Variants in OIT3 observed in about 807,000 individuals in gnomAD.
The protein encoded by OIT3 is oncoprotein-induced transcript 3 protein.
A neutral mutation model predicts 52.2 loss-of-function variants in OIT3; 41 were observed. The observed-to-expected ratio is 0.79, with a 90% confidence interval of 0.61 to 1.02. OIT3 has a LOEUF of 1.02. OIT3 is among the 50% of genes least tolerant of loss of function. The pLI is 0.00. For synonymous variants in OIT3, 244 were observed against 276.9 expected (o/e 0.88, Z 1.18); for missense variants, 634 against 715.5 (o/e 0.89, Z 1.30).
At chr10:72,923,025 G>A (rs542792734) in intron 6 of OIT3, among the ~76,000 whole-genome samples, 1 of 152,212 alleles carries the variant, frequency 6.6e-6, no homozygotes, top group South Asian at 2.1e-4. Context: ...ACAGGCCCCT[G>A]CCATGACACT....
chr10:72,895,104 G>A (rs547419159), intron 1 of OIT3, among the ~76,000 whole-genome samples: 3 of 152,264 alleles, frequency 2.0e-5, no homozygotes, highest in African/African-American at 4.8e-5. Flanking sequence ...TAAAGGTAAC[G>A]TGTCATAACA....
intron 3 of OIT3, among the ~76,000 whole-genome samples, chr10:72,903,387 G>C (rs1845950497): frequency 6.6e-6 from 1 of 152,024 alleles, no homozygotes; most frequent in Non-Finnish European, 1.5e-5. Context: ...CACCATGCCT[G>C]GCTAATTCTT....
chr10:72,924,167 GA>G lies in OIT3; in HGVS notation c.952-54del, dbSNP rs201019655. On this transcript the variant is annotated intron_variant, in intron 6 of 8. Transcript: ENST00000334011. ...TAGAATGTTAAGGTGAGAGGAGGGG[GA>G]AAAAAAACTGTAGAAACAAACAGAC... 2,835 of 1,398,078 alleles carry G rather than the reference GA, an allele frequency of 2.0e-3. 7 individuals are homozygous for G. The highest frequency in any genetic ancestry group is 0.012 in the African/African-American group (844 of 69,552). The allele number at this position is 1,398,078 out of a possible 1,614,324, so 86.6% of individuals were successfully genotyped here.
intron 1 of OIT3, 34 bp downstream of exon 1, chr10:72,893,893 C>CT (rs1845851623): frequency 1.3e-6 from 2 of 1,555,536 alleles, no homozygotes; most frequent in East Asian, 4.6e-5. Context: ...GCACAATGCA[C>CT]TTTTTGTTGT....
At chr10:72,913,499 T>A in intron 6 of OIT3, 31 bp downstream of exon 6, 2 of 1,576,466 alleles carry the variant, frequency 1.3e-6, no homozygotes, top group Non-Finnish European at 1.7e-6. Context: ...ACTTGGGGAA[T>A]GACCAAAAGC....
chr10:72,900,540 A>C, intron 3 of OIT3, 56 bp downstream of exon 3: 1 of 910,350 alleles, frequency 1.1e-6, no homozygotes, highest in Non-Finnish European at 1.8e-6. Flanking sequence ...GACAAATCAA[A>C]AACTCTTCCT....
intron 6 of OIT3, chr10:72,913,798 C>T (rs1846051478): frequency 5.0e-6 from 2 of 403,540 alleles, no homozygotes; most frequent in Non-Finnish European, 9.7e-6. Flanking sequence ...AAGAAAGCAA[C>T]TAATACAGTT....
chr10:72,900,275 A>C, intron 2 of OIT3, 102 bp from the exon 3 acceptor site: 1 of 673,986 alleles, frequency 1.5e-6, no homozygotes, highest in Non-Finnish European at 2.6e-6. Flanking sequence ...TGGGCAACAT[A>C]GGGATACCAC....
intron 6 of OIT3, among the ~76,000 whole-genome samples, chr10:72,920,993 T>A (rs1020731497): frequency 6.6e-6 from 1 of 152,224 alleles, no homozygotes; most frequent in Non-Finnish European, 1.5e-5. Flanking sequence ...AATTTCTGTC[T>A]TGATGATCTA....
In OIT3 at chr10:72,898,889, G is replaced by T. The variant is rs766175584; in HGVS notation, c.287G>T (p.Gly96Val). Residue 96 changes from glycine to valine, a missense_variant, in exon 2 of 9, where the codon GGC becomes GTC. Transcript: ENST00000334011. ...CTCAATGGCAGCCACCCCCTAGAAG[G>T]CGACGGCATTGTGCAACGCCAGGCT... The part of the protein sequence containing the change: ...VWLNGSHPLE[G>V]DGIVQRQACA... The T allele has an allele frequency of 2.5e-6, 4 of 1,614,214 alleles. No homozygotes were observed. Among genetic ancestry groups the T allele is most frequent in the Non-Finnish European group, 3.4e-6 (4 of 1,180,040 alleles).
intron 2 of OIT3, 74 bp from the exon 3 acceptor site, chr10:72,900,302 CA>C: frequency 3.7e-6 from 3 of 809,854 alleles, no homozygotes; most frequent in South Asian, 1.6e-5. Flanking sequence ...CGACCCCCCG[CA>C]CCATCTCTAA....
In OIT3 at chr10:72,918,005, ATCATCT is replaced by A. The variant is rs903862533; in HGVS notation, c.951+4546_951+4551del. Reference sequence around the variant, plus strand: ...CATCATTATCATCATTATCTTCATCATCATCTTCATCTTCTTCATCGTCATCATCAT... The same window carrying A: ...CATCATTATCATCATTATCTTCATCATCATCTTCTTCATCGTCATCATCAT... On this transcript the variant is annotated intron_variant, in intron 6 of 8. Transcript: ENST00000334011. 9 of 808,534 alleles carry A rather than the reference ATCATCT, an allele frequency of 1.1e-5. No individual in the cohort carries two copies. The African/African-American group carries it at 1.3e-4, about 12-fold the overall frequency. 50.1% of individuals were successfully genotyped at this position (808,534 alleles called of 1,614,324 possible). A position where few individuals can be genotyped will look rare whatever the true frequency, so the allele number is the denominator to read the frequency against.
chr10:72,898,930 G>A lies in OIT3; in HGVS notation c.328G>A (p.Gly110Arg), dbSNP rs760944811. The change falls in exon 2 of 9, where the codon GGG becomes AGG. Residue 110 changes from glycine (G) to arginine (R), a missense_variant. By Grantham distance (125) the Gly-to-Arg change is moderately radical (BLOSUM62 -2). Transcript: ENST00000334011. ...VQRQACASFN[G>R]NCCLWNTTVE... ...ACGCCAGGCTTGTGCCAGCTTCAAT[G>A]GGAACTGCTGTCTCTGGAACACCAC... 4 of 1,614,190 alleles carry A rather than the reference G, an allele frequency of 2.5e-6. No individual in the cohort carries two copies. Among genetic ancestry groups the A allele is most frequent in the Admixed American group, 1.7e-5 (1 of 60,024 alleles).
chr10:72,918,331 C>T (rs1338823707), intron 6 of OIT3: 1 of 768,352 alleles, frequency 1.3e-6, no homozygotes, highest in Non-Finnish European at 2.4e-6. Flanking sequence ...ATTGGACTGC[C>T]TTCGTAATTC....
intron 6 of OIT3, among the ~76,000 whole-genome samples, chr10:72,924,002 A>C (rs1846144143): frequency 1.3e-5 from 2 of 152,102 alleles, no homozygotes; most frequent in South Asian, 4.1e-4. Context: ...CACTTAAAGA[A>C]GCAGTCTGGC....
chr10:72,913,280 C>T (rs1282679972), intron 5 of OIT3, 28 bp from the exon 6 acceptor site: 4 of 1,548,194 alleles, frequency 2.6e-6, no homozygotes, highest in African/African-American at 1.4e-5. Context: ...GGTTTCCTGG[C>T]TCTAACAGTG....
intron 6 of OIT3, among the ~76,000 whole-genome samples, chr10:72,914,204 T>C (rs1846054409): frequency 1.3e-5 from 2 of 152,120 alleles, no homozygotes; most frequent in African/African-American, 4.8e-5. Flanking sequence ...GTGGAGAGTT[T>C]AGCCTACTGG....
intron 6 of OIT3, among the ~76,000 whole-genome samples, chr10:72,916,501 A>G (rs1846074260): frequency 6.6e-6 from 1 of 152,142 alleles, no homozygotes; most frequent in African/African-American, 2.4e-5. Flanking sequence ...AAAGGACATG[A>G]TCTCATTCTT....
At chr10:72,902,017 C>G (rs562263519) in intron 3 of OIT3, among the ~76,000 whole-genome samples, 2 of 151,966 alleles carry the variant, frequency 1.3e-5, no homozygotes, top group Non-Finnish European at 2.9e-5. Flanking sequence ...CCAGCCAGGG[C>G]GAAAGAGCAA....
Sources: allele counts gnomAD v4.1 joint callset (sites outside exome capture counted in the v4.1 genomes callset), GRCh38; gene constraint gnomAD v4.1.1; transcripts MANE v1.5; gene names NCBI Gene and HGNC (gene_info 2026-07-23, HGNC 2026-07-21).